COMMD1: variants seen among roughly 807,000 people sequenced by gnomAD.
The protein encoded by COMMD1 is copper metabolism domain containing 1.
In COMMD1, 10 loss-of-function variants were observed where a neutral mutation model predicts 17.2. That is an observed-to-expected ratio of 0.58 (90% CI 0.36 to 0.99). The LOEUF (loss-of-function observed/expected upper bound fraction) is 0.99. Among genes scored for constraint, COMMD1 ranks in the 50% least tolerant of loss-of-function variants. COMMD1 has a pLI of 0.01. For missense variants in COMMD1, 270 were observed against 231.8 expected (o/e 1.17, Z -1.07); for synonymous variants, 97 against 91.6 (o/e 1.06, Z -0.34).
At chr2:61,902,548 C>A (rs1428543996), upstream of COMMD1, among the ~76,000 whole-genome samples, 7 of 151,320 alleles carry the variant, frequency 4.6e-5, no homozygotes, top group Non-Finnish European at 8.8e-5. Flanking sequence ...TGACAGAAAC[C>A]CCTATAGAAA....
At chr2:61,936,999 C>T (rs1473499889) in intron 1 of COMMD1, among the ~76,000 whole-genome samples, 1 of 152,122 alleles carries the variant, frequency 6.6e-6, no homozygotes, top group East Asian at 1.9e-4. Flanking sequence ...TGGGACAACT[C>T]GAAGTGGGGG....
chr2:62,078,060 G>C (rs1430129302), intron 2 of COMMD1, among the ~76,000 whole-genome samples: 1 of 151,864 alleles, frequency 6.6e-6, no homozygotes, highest in Non-Finnish European at 1.5e-5. Flanking sequence ...CGGATCACGA[G>C]GTCAGGAGAT....
Position 61,939,455 on chromosome 2 carries a change from G to A in COMMD1, c.180+33597G>A, listed in dbSNP as rs373187997. ...CACTCCAGCCTGGGCGACAGAGCAA[G>A]ACTCCGTCTCAGAAAAAAAAGAAAA... is the stretch of plus-strand genomic sequence containing the variant. On this transcript the variant is annotated intron_variant, in intron 1 of 2. Coordinates refer to ENST00000311832, the MANE Select transcript of COMMD1 (RefSeq NM_152516.4). Among the ~76,000 whole-genome samples, 9 of 150,888 alleles carry A rather than the reference G, an allele frequency of 6.0e-5. No individual in the cohort carries two copies. In the South Asian group the frequency reaches 1.9e-3, roughly 32 times the overall value.
chr2:61,926,665 A>C (rs1280844091), intron 1 of COMMD1, among the ~76,000 whole-genome samples: 1 of 152,176 alleles, frequency 6.6e-6, no homozygotes, highest in Non-Finnish European at 1.5e-5. Flanking sequence ...ACTGAGCTTG[A>C]GACAATACAA....
chr2:61,941,076 G>T (rs867077884), intron 1 of COMMD1, among the ~76,000 whole-genome samples: 4 of 151,166 alleles, frequency 2.6e-5, no homozygotes, highest in African/African-American at 9.8e-5. Flanking sequence ...CGCCCAGGCT[G>T]GAGTGCGGTG....
At chr2:62,061,554 CTTTTTTT>C (rs57638195) in intron 2 of COMMD1, among the ~76,000 whole-genome samples, 8 of 131,560 alleles carry the variant, frequency 6.1e-5, no homozygotes, top group South Asian at 2.5e-4. Flanking sequence ...TCTTTCTTTT[CTTTTTTT>C]TTTTTTTTTT....
chr2:61,897,755 A>T (rs941857739), intron 1 of COMMD1, among the ~76,000 whole-genome samples: 2 of 152,156 alleles, frequency 1.3e-5, no homozygotes, highest in African/African-American at 4.8e-5. Context: ...GTCTTTAAAA[A>T]AAATATATAT....
intron 2 of COMMD1, among the ~76,000 whole-genome samples, chr2:62,119,980 T>A (rs908823198): frequency 3.3e-5 from 5 of 152,144 alleles, no homozygotes; most frequent in South Asian, 2.1e-4. Flanking sequence ...ATTTATTTTT[T>A]TTATTATTAT....
chr2:61,960,355 G>C (rs1301920313), intron 1 of COMMD1, among the ~76,000 whole-genome samples: 1 of 152,140 alleles, frequency 6.6e-6, no homozygotes, highest in Non-Finnish European at 1.5e-5. Context: ...GGATAGATTA[G>C]TAAGGGTAGT....
Position 61,905,721 on chromosome 2 carries a change from C to T in COMMD1, c.43C>T (p.Leu15=), listed in dbSNP as rs1364915004. The change falls in exon 1 of 3, where the codon CTG becomes TTG. Residue 15 remains leucine (L), a synonymous_variant. Coordinates refer to ENST00000311832, the MANE Select transcript of COMMD1 (RefSeq NM_152516.4). ...TGAGGGTGGCAAACCCCTGAGCGGG[C>T]TGCTGAATGCGCTGGCCCAGGACAC... ...ELEGGKPLSG[L]LNALAQDTFH... 6.2e-7 allele frequency: 1 copy of T among 1,607,680 alleles called. No homozygotes were observed. Among genetic ancestry groups the T allele is most frequent in the Non-Finnish European group, 8.5e-7 (1 of 1,176,608 alleles).
chr2:62,133,445 A>G (rs1398012051), intron 2 of COMMD1, among the ~76,000 whole-genome samples: 1 of 152,152 alleles, frequency 6.6e-6, no homozygotes, highest in African/African-American at 2.4e-5. Context: ...AGGTTCATGT[A>G]TAAGGCCTGC....
chr2:61,998,200 G>A (rs761862477), intron 1 of COMMD1, among the ~76,000 whole-genome samples: 1 of 151,076 alleles, frequency 6.6e-6, no homozygotes, highest in African/African-American at 2.4e-5. Flanking sequence ...CTTTTGTCCA[G>A]ACCACCAAAA....
intron 1 of COMMD1, among the ~76,000 whole-genome samples, chr2:61,961,607 T>C (rs772805239): frequency 5.9e-5 from 9 of 152,256 alleles, no homozygotes; most frequent in Non-Finnish European, 1.0e-4. Flanking sequence ...AGAAATCTTT[T>C]TGTATAATTT....
At chr2:61,976,830 GA>G (rs1414169042) in intron 1 of COMMD1, among the ~76,000 whole-genome samples, 1 of 151,718 alleles carries the variant, frequency 6.6e-6, no homozygotes, top group African/African-American at 2.4e-5. Context: ...AGTGATGTGG[GA>G]TTTTTTTTTT....
intron 2 of COMMD1, among the ~76,000 whole-genome samples, chr2:62,038,902 A>G (rs540073079): frequency 4.4e-4 from 67 of 152,118 alleles, no homozygotes; most frequent in Admixed American, 7.2e-4. Context: ...TTAAAATTTC[A>G]TTTCTAATGA....
intron 2 of COMMD1, among the ~76,000 whole-genome samples, chr2:62,111,296 A>G (rs1272600384): frequency 6.6e-6 from 1 of 152,250 alleles, no homozygotes; most frequent in Non-Finnish European, 1.5e-5. Context: ...ACAAGAGAAA[A>G]GCATAATAAA....
At chr2:62,061,601 G>T (rs1439289629) in intron 2 of COMMD1, among the ~76,000 whole-genome samples, 1 of 149,298 alleles carries the variant, frequency 6.7e-6, no homozygotes, top group African/African-American at 2.5e-5. Context: ...TGTTGCCCAG[G>T]CTGGAGTGCA....
chr2:61,904,860 T>C (rs1194508947), upstream of COMMD1, among the ~76,000 whole-genome samples: 1 of 152,238 alleles, frequency 6.6e-6, no homozygotes. Context: ...TTCTCCAGAT[T>C]CTGCCAACTA....
intron 1 of COMMD1, among the ~76,000 whole-genome samples, chr2:61,944,988 C>G (rs1471944581): frequency 6.6e-6 from 1 of 152,140 alleles, no homozygotes; most frequent in Non-Finnish European, 1.5e-5. Flanking sequence ...ATTCGGAGGC[C>G]TTGTTCCCCA....
Sources: allele counts gnomAD v4.1 joint callset (sites outside exome capture counted in the v4.1 genomes callset), GRCh38; gene constraint gnomAD v4.1.1; transcripts MANE v1.5; gene names NCBI Gene and HGNC (gene_info 2026-07-23, HGNC 2026-07-21).